The following LMOD1 variants were observed in gnomAD, a reference collection of about 807,000 sequenced individuals.
LMOD1 encodes the protein leiomodin-1.
In LMOD1, 8 loss-of-function variants were observed where a neutral mutation model predicts 36.5. The observed-to-expected ratio is 0.22, with a 90% CI of 0.13 to 0.40. LMOD1 has a LOEUF of 0.40. LMOD1 is among the 10% of genes least tolerant of loss of function. The pLI, the probability that LMOD1 is intolerant of heterozygous loss-of-function variation, is 1.00. For synonymous variants in LMOD1, 284 were observed against 288.7 expected (o/e 0.98, Z 0.17); for missense variants, 630 against 751.1 (o/e 0.84, Z 1.88).
chr1:201,918,712 C>T (rs566306133), intron 1 of LMOD1, among the ~76,000 whole-genome samples: 1 of 152,310 alleles, frequency 6.6e-6, no homozygotes, highest in Admixed American at 6.5e-5. Flanking sequence ...AAAAGTTCGA[C>T]TGTACAACAA....
chr1:201,899,812 C>G lies in LMOD1; in HGVS notation c.1201G>C (p.Gly401Arg). Residue 401 changes from glycine to arginine, a missense_variant, in exon 2 of 3, where the codon GGC (glycine) becomes CGC (arginine). Coordinates refer to ENST00000367288, the MANE Select transcript of LMOD1 (RefSeq NM_012134.3). This position sits in a 1 kb window ranked among gnomAD's most constrained non-coding sequence, Gnocchi z 6.3. ...SLNLDSNHIT[G>R]KGILAIFRAL... Reference sequence around the variant, plus strand: ...CGGAAGATGGCCAGGATGCCTTTGCCTGTGATGTGGTTGGAGTCCAGGTTG... The same window carrying G: ...CGGAAGATGGCCAGGATGCCTTTGCGTGTGATGTGGTTGGAGTCCAGGTTG... 2.5e-6 allele frequency: 4 copies of G among 1,614,002 alleles called. No individual in the cohort carries two copies. Among genetic ancestry groups the G allele is most frequent in the Non-Finnish European group, 3.4e-6 (4 of 1,179,876 alleles).
intron 1 of LMOD1, among the ~76,000 whole-genome samples, chr1:201,933,540 T>TAA (rs1365598410): frequency 6.4e-5 from 6 of 94,116 alleles, no homozygotes; most frequent in South Asian, 3.7e-4. Context: ...TCTATATATA[T>TAA]AATACATATA....
intron 1 of LMOD1, among the ~76,000 whole-genome samples, chr1:201,931,899 T>A (rs1681929374): frequency 6.7e-6 from 1 of 149,352 alleles, no homozygotes; most frequent in Non-Finnish European, 1.5e-5. Context: ...AGACCCTGTA[T>A]CAAAAAAAAA....
chr1:201,924,345 A>G (rs67817117), intron 1 of LMOD1, among the ~76,000 whole-genome samples: 79,130 of 80,728 alleles, frequency 0.98, 38,800 homozygotes, highest in Non-Finnish European at 0.99. Context: ...AAAAGAAAGC[A>G]AGGGAAGGAG....
intron 1 of LMOD1, among the ~76,000 whole-genome samples, chr1:201,934,029 C>A (rs1558243034): frequency 6.6e-6 from 1 of 152,104 alleles, no homozygotes; most frequent in Admixed American, 6.5e-5. Flanking sequence ...GACCAGTGTG[C>A]TCCCTCCTTC....
chr1:201,938,178 G>T (rs2102930687), intron 1 of LMOD1, among the ~76,000 whole-genome samples: 1 of 149,032 alleles, frequency 6.7e-6, no homozygotes, highest in Middle Eastern at 3.5e-3. Context: ...TGCCGAGGCT[G>T]GAGTGCAATG....
At chr1:201,910,449 A>G (rs1681476414) in intron 1 of LMOD1, among the ~76,000 whole-genome samples, 1 of 151,892 alleles carries the variant, frequency 6.6e-6, no homozygotes, top group Non-Finnish European at 1.5e-5. Context: ...AATTTTTATT[A>G]TGTTTTGTTT....
In LMOD1 at chr1:201,899,032, T is replaced by G; in HGVS notation, c.1776+205A>C. On this transcript the variant is annotated intron_variant, in intron 2 of 2. Transcript: ENST00000367288. The surrounding 1 kb of genome is among the most constrained non-coding windows in gnomAD (Gnocchi z 6.3). The stretch of plus-strand genomic sequence containing the variant: ...GAAGCTCCTTAAAGGAAGGGTAGAG[T>G]CTCAGCTCTAGGGGATATACAGGTG... 1 of 485,022 alleles carries G rather than the reference T, an allele frequency of 2.1e-6. No individual in the cohort carries two copies. Among genetic ancestry groups the G allele is most frequent in the Non-Finnish European group, 3.6e-6 (1 of 277,254 alleles). The allele number at this position is 485,022 out of a possible 1,614,324, so 30.0% of individuals were successfully genotyped here. A position where few individuals can be genotyped will look rare whatever the true frequency, so the allele number is the denominator to read the frequency against.
intron 1 of LMOD1, among the ~76,000 whole-genome samples, chr1:201,939,760 CTGTGTGTGTGTG>C (rs56135181): frequency 2.7e-5 from 4 of 149,278 alleles, no homozygotes; most frequent in South Asian, 2.2e-4. Flanking sequence ...TCTGCTCCTG[CTGTGTGTGTGTG>C]TGTGTGTGTG....
chr1:201,936,705 G>A lies in LMOD1; in HGVS notation c.261+9375C>T, dbSNP rs527853778. Reference sequence around the variant, plus strand: ...TAATCCCAACACTTTGGGAGACCGAGGCTGGTGGATCACTCAAAGTCAGGA... The same window carrying A: ...TAATCCCAACACTTTGGGAGACCGAAGCTGGTGGATCACTCAAAGTCAGGA... On this transcript the variant is annotated intron_variant, in intron 1 of 2. Coordinates refer to ENST00000367288, the MANE Select transcript of LMOD1 (RefSeq NM_012134.3). Among the ~76,000 whole-genome samples the A allele has an allele frequency of 5.6e-4, 86 of 152,240 alleles. 1 individual carries two copies. The highest frequency in any genetic ancestry group is 1.7e-3 in the African/African-American group (69 of 41,534).
chr1:201,898,512 G>A, intron 2 of LMOD1, 114 bp from the exon 3 acceptor site: 1 of 921,536 alleles, frequency 1.1e-6, no homozygotes, highest in East Asian at 2.9e-5. Flanking sequence ...GAATGTGAAT[G>A]AGGTGTTGAC....
At position 201,900,239 on chromosome 1, in the gene LMOD1, T is replaced by G. The variant is rs1427538971; in HGVS notation, c.774A>C (p.Gly258=). The change falls in exon 2 of 3, where the codon GGA becomes GGC. Residue 258 remains glycine (G), a synonymous_variant. Transcript: ENST00000367288. ...MKKEDEKVKR[G]TGNTDTKKDD... ...CCTTTTTGGTGTCTGTGTTCCCAGT[T>G]CCTCTTTTTACCTTCTCATCCTCCT... is the stretch of plus-strand genomic sequence containing the variant. 3 of 1,613,798 alleles carry G rather than the reference T, an allele frequency of 1.9e-6. No homozygotes were observed. The African/African-American group carries it at 4.0e-5, about 22-fold the overall frequency.
chr1:201,945,643 T>C (rs1294385036), intron 1 of LMOD1, among the ~76,000 whole-genome samples: 1 of 152,190 alleles, frequency 6.6e-6, no homozygotes, highest in Admixed American at 6.5e-5. Flanking sequence ...AATGAGTTAT[T>C]CTCCCACAAA....
intron 1 of LMOD1, among the ~76,000 whole-genome samples, chr1:201,901,906 T>C (rs1274401595): frequency 2.0e-5 from 3 of 148,816 alleles, no homozygotes; most frequent in African/African-American, 7.4e-5. Context: ...TATGCTAACA[T>C]TTTATTTTAC....
chr1:201,933,286 C>T (rs182353913), intron 1 of LMOD1, among the ~76,000 whole-genome samples: 1,532 of 151,706 alleles, frequency 0.01, 21 homozygotes, highest in Non-Finnish European at 0.016. Flanking sequence ...TGGTGGTGGA[C>T]GCCTGTAATC....
chr1:201,913,885 A>G (rs1469450568), intron 1 of LMOD1, among the ~76,000 whole-genome samples: 4 of 152,194 alleles, frequency 2.6e-5, no homozygotes, highest in Non-Finnish European at 5.9e-5. Flanking sequence ...CATAAAATGT[A>G]TAATTTATGT....
chr1:201,936,096 CAAA>C (rs61077548), intron 1 of LMOD1, among the ~76,000 whole-genome samples: 56 of 73,078 alleles, frequency 7.7e-4, no homozygotes, highest in African/African-American at 2.7e-3. Flanking sequence ...GACCTTGTCT[CAAA>C]AAAAAAAAAA....
intron 1 of LMOD1, among the ~76,000 whole-genome samples, chr1:201,925,083 C>T (rs1015143157): frequency 4.6e-5 from 7 of 152,000 alleles, no homozygotes; most frequent in East Asian, 1.9e-4. Context: ...AGCATGGTGG[C>T]GCCCACCTGT....
At chr1:201,932,912 G>T (rs1681949681) in intron 1 of LMOD1, among the ~76,000 whole-genome samples, 1 of 152,124 alleles carries the variant, frequency 6.6e-6, no homozygotes, top group African/African-American at 2.4e-5. Context: ...AGTTCACTAT[G>T]CATTCTCTAC....
Sources: gnomAD v4.1 joint callset for allele counts (sites outside exome capture counted in the v4.1 genomes callset) on GRCh38, gnomAD v4.1.1 for gene constraint, Gnocchi (gnomAD v3.1) non-coding constraint, MANE v1.5 for transcripts, NCBI Gene and HGNC (gene_info 2026-07-23, HGNC 2026-07-21) for gene names.